HEATR5B: variants seen among roughly 807,000 people sequenced by gnomAD.
HEATR5B encodes HEAT repeat containing 5B.
HEATR5B carries 156 observed loss-of-function variants against 224.1 expected under a neutral mutation model. That is an observed-to-expected ratio of 0.70 (90% CI 0.61 to 0.80). The LOEUF is 0.80. HEATR5B is among the 30% of genes least tolerant of loss of function. The probability of loss-of-function intolerance (pLI) is 0.00; values close to 1 mark genes in which losing one functional copy is unlikely to be tolerated. For synonymous variants in HEATR5B, 1,027 were observed against 893.0 expected (o/e 1.15, Z -2.68); for missense variants, 2,323 against 2,535.5 (o/e 0.92, Z 1.80).
intron 29 of HEATR5B, 86 bp from the exon 30 acceptor site, chr2:37,005,845 T>G (rs1021152808): frequency 1.9e-6 from 2 of 1,079,012 alleles, no homozygotes; most frequent in Non-Finnish European, 2.6e-6. Flanking sequence ...TATTTATGTT[T>G]TTACAGATTA....
chr2:37,045,511 T>C (rs1444367325), intron 18 of HEATR5B, among the ~76,000 whole-genome samples: 1 of 152,230 alleles, frequency 6.6e-6, no homozygotes, highest in Non-Finnish European at 1.5e-5. Flanking sequence ...CTATTCTGAA[T>C]AGTGGGAACA....
intron 7 of HEATR5B, 124 bp from the exon 8 acceptor site, chr2:37,069,054 G>C: frequency 9.7e-7 from 1 of 1,034,980 alleles, no homozygotes; most frequent in Middle Eastern, 2.1e-4. Flanking sequence ...GGCTAAAACA[G>C]AGAAAATTTA....
At chr2:37,059,459 TATATA>T (rs1243016511) in intron 12 of HEATR5B, among the ~76,000 whole-genome samples, 40 of 111,508 alleles carry the variant, frequency 3.6e-4, no homozygotes, top group African/African-American at 8.5e-4. Context: ...TATATATATA[TATATA>T]TTTTTTTTTT....
intron 1 of HEATR5B, among the ~76,000 whole-genome samples, chr2:37,083,814 G>C (rs1291754561): frequency 6.6e-6 from 1 of 152,062 alleles, no homozygotes; most frequent in Non-Finnish European, 1.5e-5. Flanking sequence ...TCTTTTTCTC[G>C]TCCAGGGTTC....
intron 35 of HEATR5B, among the ~76,000 whole-genome samples, chr2:36,983,236 T>C (rs1196613002): frequency 1.3e-5 from 2 of 152,060 alleles, no homozygotes; most frequent in South Asian, 2.1e-4. Context: ...ACAATGTTAA[T>C]AGTATTATAG....
At chr2:37,057,292 T>A (rs1350008923) in intron 15 of HEATR5B, 25 bp downstream of exon 15, 2 of 1,551,454 alleles carry the variant, frequency 1.3e-6, no homozygotes, top group East Asian at 2.3e-5. Context: ...TAAGTTAGTA[T>A]TTCATTTTCC....
chr2:37,060,599 G>A lies in HEATR5B; in HGVS notation c.1831C>T (p.Arg611Cys), dbSNP rs376113599. The change falls in exon 12 of 36, where the codon CGT becomes TGT. Residue 611 changes from arginine to cysteine, a missense_variant. By Grantham distance (180) the Arg-to-Cys change is radical. This residue lies in a region of HEATR5B where 502 missense variants were observed against 517.8 expected (regional missense o/e 0.97). Coordinates refer to ENST00000233099, the MANE Select transcript of HEATR5B (RefSeq NM_019024.3). ...SFTWQVTLEG[R>C]AGALCAMRSF... ...TTCTTACCACATAGAGCTCCAGCAC[G>A]ACCTTCCAAAGTTACCTGCCAGGTA... The A allele has an allele frequency of 2.4e-5, 38 of 1,613,476 alleles. No homozygotes were observed. Among genetic ancestry groups the A allele is most frequent in the Non-Finnish European group, 3.1e-5 (36 of 1,179,718 alleles).
At chr2:36,992,869 C>A (rs765884445) in intron 33 of HEATR5B, among the ~76,000 whole-genome samples, 3 of 151,820 alleles carry the variant, frequency 2.0e-5, no homozygotes, top group Admixed American at 6.6e-5. Flanking sequence ...GGACTACAGG[C>A]ATGCACCACC....
chr2:37,064,649 G>T, intron 10 of HEATR5B, 91 bp downstream of exon 10: 2 of 1,295,602 alleles, frequency 1.5e-6, no homozygotes, highest in South Asian at 1.3e-5. Flanking sequence ...ACTGTTATTT[G>T]ACCACCCTGT....
Position 37,064,693 on chromosome 2 carries a change from C to T in HEATR5B, c.1584+47G>A, listed in dbSNP as rs1322922695. 2.5e-6 allele frequency: 4 copies of T among 1,602,416 alleles called. No individual in the cohort carries two copies. In the African/African-American group the frequency reaches 5.4e-5, roughly 21 times the overall value. ...AAACACAGCAGCGTTCCTATAAAGA[C>T]CAAAGCCCACGTGACAGCATTCCCA... On this transcript the variant is annotated intron_variant, in intron 10 of 35. Coordinates refer to ENST00000233099, the MANE Select transcript of HEATR5B (RefSeq NM_019024.3).
chr2:37,049,944 G>A (rs1411786765), intron 17 of HEATR5B, 101 bp from the exon 18 acceptor site: 5 of 1,143,642 alleles, frequency 4.4e-6, no homozygotes, highest in Non-Finnish European at 5.9e-6. Flanking sequence ...AGGCTGGAGT[G>A]CAATGGCACA....
chr2:37,011,123 C>A (rs1385145722), intron 27 of HEATR5B, among the ~76,000 whole-genome samples: 3 of 152,160 alleles, frequency 2.0e-5, no homozygotes, highest in Non-Finnish European at 2.9e-5. Context: ...AATGAACACT[C>A]GGCAGTTTAT....
At chr2:36,987,166 C>T (rs890031354) in intron 35 of HEATR5B, among the ~76,000 whole-genome samples, 1 of 152,140 alleles carries the variant, frequency 6.6e-6, no homozygotes, top group Non-Finnish European at 1.5e-5. Context: ...CAGCGGCTCA[C>T]GCTTGTAATC....
intron 2 of HEATR5B, among the ~76,000 whole-genome samples, chr2:37,082,083 T>TG: frequency 2.4e-5 from 3 of 126,156 alleles, no homozygotes; most frequent in Non-Finnish European, 5.0e-5. Flanking sequence ...TTTTTTTTTT[T>TG]TTTCAGATGG....
At chr2:37,015,606 G>A (rs977707948) in intron 26 of HEATR5B, among the ~76,000 whole-genome samples, 13 of 152,174 alleles carry the variant, frequency 8.5e-5, no homozygotes, top group African/African-American at 3.1e-4. Flanking sequence ...CTTCTGACTT[G>A]AATGGAAGGA....
At chr2:37,073,440 C>T (rs529930010) in intron 5 of HEATR5B, among the ~76,000 whole-genome samples, 54 of 152,230 alleles carry the variant, frequency 3.5e-4, no homozygotes, top group South Asian at 2.3e-3. Flanking sequence ...GATGGGGTTT[C>T]GCTATGTTGG....
In HEATR5B at chr2:37,065,089, C is replaced by T. The variant is rs184203556; in HGVS notation, c.1334-99G>A. ...AAACAATAACTGAAATGACAATCAC[C>T]AAGCTTTCACACATATAGATCCACA... is the stretch of plus-strand genomic sequence containing the variant. On this transcript the variant is annotated intron_variant, in intron 9 of 35. Transcript: ENST00000233099. The T allele has an allele frequency of 3.4e-6, 4 of 1,194,022 alleles. No individual in the cohort carries two copies. In the East Asian group the frequency reaches 1.0e-4, roughly 30 times the overall value. The allele number at this position is 1,194,022 out of a possible 1,614,324, so 74.0% of individuals were successfully genotyped here.
In HEATR5B at chr2:37,028,806, C is replaced by T. The variant is rs774406321; in HGVS notation, c.3476G>A (p.Arg1159Gln). Residue 1159 changes from arginine (R) to glutamine (Q), a missense_variant, in exon 23 of 36, where the codon CGG becomes CAG. Arg to Gln is a conservative substitution (Grantham distance 43). Coordinates refer to ENST00000233099, the MANE Select transcript of HEATR5B (RefSeq NM_019024.3). ...AGAACATAATTTTCGATCTGTCTCC[C>T]GGTCTAGCATTCCAAAAAGAAGTCC... The part of the protein sequence containing the change: ...LEGLLFGMLD[R>Q]ETDRKLCSDI... 8.1e-6 allele frequency: 13 copies of T among 1,614,104 alleles called. No homozygotes were observed. The highest frequency in any genetic ancestry group is 5.0e-5 in the Admixed American group (3 of 60,016).
intron 2 of HEATR5B, among the ~76,000 whole-genome samples, chr2:37,080,880 C>G (rs1344157697): frequency 2.0e-5 from 3 of 151,926 alleles, no homozygotes; most frequent in African/African-American, 7.3e-5. Context: ...TCTTGGGAAG[C>G]CACGAACAGG....
Sources: gnomAD v4.1 joint callset for allele counts (sites outside exome capture counted in the v4.1 genomes callset) on GRCh38, gnomAD v4.1.1 for gene constraint, gnomAD v4.1.1 regional missense constraint, MANE v1.5 for transcripts, NCBI Gene and HGNC (gene_info 2026-07-23, HGNC 2026-07-21) for gene names.